Variants in SLC4A10 observed in about 807,000 individuals in gnomAD.
The protein encoded by SLC4A10 is sodium-driven chloride bicarbonate exchanger.
A neutral mutation model predicts 137.7 loss-of-function variants in SLC4A10; 42 were observed. The ratio of observed to expected loss-of-function variants is 0.30; its 90% CI spans 0.24 to 0.39. The LOEUF is 0.39. Ranked by LOEUF, SLC4A10 falls within the 10% of genes least tolerant of loss-of-function variation. The pLI, the probability that SLC4A10 is intolerant of heterozygous loss-of-function variation, is 1.00. For missense variants in SLC4A10, 925 were observed against 1,355.0 expected (o/e 0.68, Z 4.98); for synonymous variants, 474 against 464.1 (o/e 1.02, Z -0.27).
chr2:161,633,075 A>G (rs1408533545), intron 1 of SLC4A10, among the ~76,000 whole-genome samples: 2 of 151,602 alleles, frequency 1.3e-5, no homozygotes, highest in Non-Finnish European at 3.0e-5. Flanking sequence ...TGCAAAATCT[A>G]TGGACATTCA....
intron 3 of SLC4A10, 121 bp from the exon 4 acceptor site, chr2:161,839,668 G>A (rs1044740081): frequency 6.8e-5 from 69 of 1,015,992 alleles, no homozygotes; most frequent in Non-Finnish European, 8.7e-5. Context: ...TGGGGAGCAG[G>A]GGAGGTGTGA....
At chr2:161,933,963 C>A (rs544987959) in intron 15 of SLC4A10, among the ~76,000 whole-genome samples, 17 of 152,192 alleles carry the variant, frequency 1.1e-4, no homozygotes, top group Non-Finnish European at 1.9e-4. Context: ...GTTTCCCTTT[C>A]TCCACCTCCT....
intron 1 of SLC4A10, among the ~76,000 whole-genome samples, chr2:161,722,927 C>A (rs897699620): frequency 6.6e-6 from 1 of 152,166 alleles, no homozygotes; most frequent in South Asian, 2.1e-4. Flanking sequence ...GGATCCAAAT[C>A]CGACCTAAAG....
At chr2:161,677,693 C>A (rs575997592) in intron 1 of SLC4A10, among the ~76,000 whole-genome samples, 16 of 152,270 alleles carry the variant, frequency 1.1e-4, no homozygotes, top group African/African-American at 3.8e-4. Context: ...TCAGTTATCT[C>A]ATTTAATCTT....
At chr2:161,687,600 T>C (rs995310227) in intron 1 of SLC4A10, among the ~76,000 whole-genome samples, 12 of 152,250 alleles carry the variant, frequency 7.9e-5, no homozygotes, top group Non-Finnish European at 1.3e-4. Context: ...AAAGAGAATG[T>C]TTTATGGACA....
At chr2:161,636,739 G>C (rs2105448872) in intron 1 of SLC4A10, among the ~76,000 whole-genome samples, 1 of 152,096 alleles carries the variant, frequency 6.6e-6, no homozygotes, top group Admixed American at 6.6e-5. Context: ...ACCCAGGCTG[G>C]AGTTTAGTCG....
intron 3 of SLC4A10, among the ~76,000 whole-genome samples, chr2:161,826,403 A>G (rs989123090): frequency 3.9e-5 from 6 of 152,194 alleles, no homozygotes; most frequent in Non-Finnish European, 8.8e-5. Flanking sequence ...AAGATTACAT[A>G]TTAAAATGGA....
intron 6 of SLC4A10, among the ~76,000 whole-genome samples, chr2:161,871,275 CCAGA>C (rs2061100779): frequency 6.6e-6 from 1 of 151,506 alleles, no homozygotes; most frequent in Non-Finnish European, 1.5e-5. Flanking sequence ...GAGAGAAGAG[CCAGA>C]CAGAGAGAGT....
intron 1 of SLC4A10, among the ~76,000 whole-genome samples, chr2:161,760,849 A>G (rs956016460): frequency 1.3e-5 from 2 of 151,988 alleles, no homozygotes; most frequent in African/African-American, 4.8e-5. Context: ...ACATAAGAAT[A>G]TATCAATGGA....
intron 1 of SLC4A10, among the ~76,000 whole-genome samples, chr2:161,730,895 ATAT>A (rs2046755175): frequency 6.6e-6 from 1 of 152,180 alleles, no homozygotes; most frequent in Non-Finnish European, 1.5e-5. Flanking sequence ...GAAGTAGCTG[ATAT>A]TATTTTTATT....
intron 1 of SLC4A10, among the ~76,000 whole-genome samples, chr2:161,739,820 C>G (rs1454568125): frequency 6.6e-6 from 1 of 152,210 alleles, no homozygotes; most frequent in East Asian, 1.9e-4. Flanking sequence ...GCAGTACCCC[C>G]ATTTCATGGA....
At chr2:161,952,933 CAA>C (rs1339788094) in intron 19 of SLC4A10, among the ~76,000 whole-genome samples, 1 of 152,174 alleles carries the variant, frequency 6.6e-6, no homozygotes, top group East Asian at 1.9e-4. Context: ...GAAATGTTTG[CAA>C]AGTCTCCTGG....
chr2:161,972,939 A>T (rs1020081381), intron 23 of SLC4A10, among the ~76,000 whole-genome samples: 1 of 152,222 alleles, frequency 6.6e-6, no homozygotes, highest in Non-Finnish European at 1.5e-5. Context: ...TTCTTTAGGT[A>T]GCAAGAAATG....
chr2:161,889,266 C>T (rs770560692), intron 10 of SLC4A10, among the ~76,000 whole-genome samples: 4 of 151,746 alleles, frequency 2.6e-5, no homozygotes, highest in East Asian at 1.9e-4. Context: ...GCATCTGCCA[C>T]GTTTTGGTAT....
intron 21 of SLC4A10, among the ~76,000 whole-genome samples, chr2:161,962,562 T>A (rs996168104): frequency 2.6e-5 from 4 of 152,200 alleles, no homozygotes; most frequent in African/African-American, 9.6e-5. Flanking sequence ...TAAAACTTAA[T>A]GACATGTACA....
At chr2:161,970,721 G>T (rs1055695822) in intron 23 of SLC4A10, among the ~76,000 whole-genome samples, 1 of 152,198 alleles carries the variant, frequency 6.6e-6, no homozygotes, top group Non-Finnish European at 1.5e-5. Context: ...TTCACTAAAG[G>T]TAATTAAAGG....
chr2:161,932,910 T>C (rs1690677756), intron 15 of SLC4A10, among the ~76,000 whole-genome samples: 1 of 151,822 alleles, frequency 6.6e-6, no homozygotes, highest in South Asian at 2.1e-4. Flanking sequence ...TAACCACCAT[T>C]CTACTTTCTA....
chr2:161,691,600 C>T (rs748763989), intron 1 of SLC4A10, among the ~76,000 whole-genome samples: 6 of 151,900 alleles, frequency 3.9e-5, no homozygotes, highest in Non-Finnish European at 5.9e-5. Context: ...CTACTGTGTA[C>T]CCACAAAAAT....
At chr2:161,935,416 A>C (rs563694750) in intron 15 of SLC4A10, among the ~76,000 whole-genome samples, 5 of 152,132 alleles carry the variant, frequency 3.3e-5, no homozygotes, top group Non-Finnish European at 7.4e-5. Context: ...TTTGTAAAAA[A>C]TGTCATTGGC....
Sources: allele counts gnomAD v4.1 joint callset (sites outside exome capture counted in the v4.1 genomes callset), GRCh38; gene constraint gnomAD v4.1.1; transcripts MANE v1.5; gene names NCBI Gene and HGNC (gene_info 2026-07-23, HGNC 2026-07-21).